Variants in PIWIL1 observed in about 807,000 individuals in gnomAD.
PIWIL1 encodes the protein piwi like RNA-mediated gene silencing 1.
In PIWIL1, 73 loss-of-function variants were observed where a neutral mutation model predicts 114.4. That is an observed-to-expected ratio of 0.64 (90% CI 0.53 to 0.78). The LOEUF is 0.78. PIWIL1 is among the 30% of genes least tolerant of loss of function. The probability of loss-of-function intolerance (pLI) is 0.00; values close to 1 mark genes in which losing one functional copy is unlikely to be tolerated. For synonymous variants in PIWIL1, 375 were observed against 369.0 expected, an observed-to-expected ratio of 1.02 and a Z score of -0.19; for missense variants, 723 against 1,063.1, an observed-to-expected ratio of 0.68 and a Z score of 4.45.
intron 18 of PIWIL1, among the ~76,000 whole-genome samples, chr12:130,363,384 C>A (rs1364539005): frequency 2.0e-5 from 3 of 152,060 alleles, no homozygotes; most frequent in Non-Finnish European, 2.9e-5. Flanking sequence ...ACACCATTAC[C>A]AATCATTGAT....
chr12:130,356,093 A>G (rs1242422601), intron 12 of PIWIL1, among the ~76,000 whole-genome samples: 3 of 150,830 alleles, frequency 2.0e-5, no homozygotes, highest in South Asian at 2.1e-4. Context: ...AATCCTAACT[A>G]TCTGCTTGGG....
At chr12:130,400,568 C>G in the PIWIL1 span, among the ~76,000 whole-genome samples, 4 of 152,242 alleles carry the variant, frequency 2.6e-5, no homozygotes, top group East Asian at 7.7e-4. Flanking sequence ...AAACCAAGTT[C>G]AAAATTGGCT....
chr12:130,377,820 C>T, the PIWIL1 span, among the ~76,000 whole-genome samples: 1 of 152,226 alleles, frequency 6.6e-6, no homozygotes, highest in East Asian at 1.9e-4. Flanking sequence ...CTGGGGGCTG[C>T]ATCTGGCCTC....
chr12:130,380,484 C>T, the PIWIL1 span, among the ~76,000 whole-genome samples: 8,083 of 152,204 alleles, frequency 0.053, 238 homozygotes, highest in Non-Finnish European at 0.058. Context: ...ACTAAGGTGT[C>T]GGGGTGGAGG....
intron 9 of PIWIL1, among the ~76,000 whole-genome samples, chr12:130,353,022 C>T (rs1156684126): frequency 3.3e-5 from 5 of 152,134 alleles, no homozygotes; most frequent in African/African-American, 7.2e-5. Context: ...TCTTAATTCA[C>T]GAGGGCTTGT....
the PIWIL1 span, chr12:130,424,360 C>T: frequency 8.1e-7 from 1 of 1,232,460 alleles, no homozygotes; most frequent in Non-Finnish European, 1.0e-6. This position sits in a 1 kb window ranked among gnomAD's most constrained non-coding sequence, Gnocchi z 9.8. Context: ...AAGTCCTCCT[C>T]CACGCTGCTC....
At chr12:130,392,036 G>C in the PIWIL1 span, among the ~76,000 whole-genome samples, 1 of 149,830 alleles carries the variant, frequency 6.7e-6, no homozygotes, top group African/African-American at 2.5e-5. Flanking sequence ...CAGTTACCTG[G>C]TGAATATTGA....
intron 14 of PIWIL1, among the ~76,000 whole-genome samples, chr12:130,358,562 A>G (rs1221664267): frequency 2.0e-5 from 3 of 152,116 alleles, no homozygotes; most frequent in African/African-American, 7.2e-5. Context: ...CTAGTAGCCC[A>G]GGACATGTTA....
the PIWIL1 span, among the ~76,000 whole-genome samples, chr12:130,387,684 C>T: frequency 1.5e-4 from 22 of 151,318 alleles, no homozygotes; most frequent in Non-Finnish European, 2.5e-4. Context: ...CACACCACCC[C>T]CTTCCTGTCT....
the PIWIL1 span, among the ~76,000 whole-genome samples, chr12:130,379,137 C>T: frequency 6.6e-6 from 1 of 152,330 alleles, no homozygotes; most frequent in East Asian, 1.9e-4. Context: ...AAAGTATCTT[C>T]CTTAGCTGTT....
chr12:130,371,657 CT>C lies in PIWIL1; in HGVS notation c.*63del, dbSNP rs1378198048. On this transcript the variant is annotated 3_prime_UTR_variant, in exon 21 of 21. Coordinates refer to ENST00000245255, the MANE Select transcript of PIWIL1 (RefSeq NM_004764.5). Reference sequence around the variant, plus strand: ...GAAATGACTTTGGGATTTTTTTAAGCTTTTATTTACTTTTTTTTTAACTGTT... The same window carrying C: ...GAAATGACTTTGGGATTTTTTTAAGCTTTATTTACTTTTTTTTTAACTGTT... 3 of 1,042,210 alleles carry C rather than the reference CT, an allele frequency of 2.9e-6. No individual in the cohort carries two copies. The African/African-American group carries it at 4.9e-5, about 17-fold the overall frequency. 64.6% of individuals were successfully genotyped at this position (1,042,210 alleles called of 1,614,324 possible). A position where few individuals can be genotyped will look rare whatever the true frequency, so the allele number is the denominator to read the frequency against.
the PIWIL1 span, among the ~76,000 whole-genome samples, chr12:130,409,400 T>G: frequency 0.29 from 40,232 of 140,474 alleles, 6,559 homozygotes; most frequent in East Asian, 0.54. Context: ...TGGAGTGCAG[T>G]GGCGCGATCC....
chr12:130,342,557 C>T, intron 1 of PIWIL1, 23 bp from the exon 2 acceptor site: 1 of 1,441,066 alleles, frequency 6.9e-7, no homozygotes, highest in East Asian at 2.3e-5. Context: ...TGAGTATTGT[C>T]TTCAAGATTG....
the PIWIL1 span, among the ~76,000 whole-genome samples, chr12:130,392,292 G>C: frequency 3.6e-4 from 55 of 151,794 alleles, no homozygotes; most frequent in African/African-American, 1.3e-3. Context: ...ATTGAACGTT[G>C]TGATGACCCG....
the PIWIL1 span, among the ~76,000 whole-genome samples, chr12:130,377,831 A>T: frequency 6.6e-6 from 1 of 152,096 alleles, no homozygotes; most frequent in African/African-American, 2.4e-5. Flanking sequence ...ATCTGGCCTC[A>T]TGATTTGCTC....
chr12:130,342,845 C>G (rs562317722), intron 2 of PIWIL1, 145 bp from the exon 3 acceptor site: 2 of 729,914 alleles, frequency 2.7e-6, no homozygotes, highest in Non-Finnish European at 4.7e-6. Context: ...GGTGACTCTT[C>G]TCTCAAATTT....
the PIWIL1 span, among the ~76,000 whole-genome samples, chr12:130,416,932 G>A: frequency 1.3e-5 from 2 of 151,546 alleles, no homozygotes; most frequent in Admixed American, 6.6e-5. Context: ...TCACATACAA[G>A]CAGATAATAA....
At chr12:130,393,981 T>A in the PIWIL1 span, among the ~76,000 whole-genome samples, 3 of 152,146 alleles carry the variant, frequency 2.0e-5, no homozygotes, top group Admixed American at 1.3e-4. Flanking sequence ...CATTTTGTGT[T>A]TGCTGTATGT....
intron 6 of PIWIL1, 86 bp downstream of exon 6, chr12:130,347,148 A>G: frequency 2.0e-6 from 2 of 993,744 alleles, no homozygotes; most frequent in Admixed American, 4.2e-5. Flanking sequence ...GTTCTCCTAG[A>G]TTTTCAGCAT....
Sources: gnomAD v4.1 joint callset for allele counts (sites outside exome capture counted in the v4.1 genomes callset) on GRCh38, gnomAD v4.1.1 for gene constraint, Gnocchi (gnomAD v3.1) non-coding constraint, MANE v1.5 for transcripts, NCBI Gene and HGNC (gene_info 2026-07-23, HGNC 2026-07-21) for gene names.